Variants in ANO10 observed in about 807,000 individuals in gnomAD.
ANO10 encodes the protein anoctamin 10.
In ANO10, 77 loss-of-function variants were observed where a neutral mutation model predicts 74.7. The ratio of observed to expected loss-of-function variants is 1.03; its 90% CI spans 0.86 to 1.25. ANO10 has a LOEUF of 1.25. ANO10 is among the 50% of genes most tolerant of loss of function. ANO10 has a pLI of 0.00. For missense variants in ANO10, 721 were observed against 778.1 expected, an observed-to-expected ratio of 0.93 and a Z score of 0.87; for synonymous variants, 279 against 284.9, an observed-to-expected ratio of 0.98 and a Z score of 0.21.
chr3:43,670,077 G>A (rs2084039233), intron 1 of ANO10, among the ~76,000 whole-genome samples: 1 of 152,068 alleles, frequency 6.6e-6, no homozygotes, highest in Non-Finnish European at 1.5e-5. Context: ...GATTGGCCAG[G>A]CATGGTGGCT....
intron 1 of ANO10, among the ~76,000 whole-genome samples, chr3:43,613,751 C>T (rs1252084819): frequency 6.6e-6 from 1 of 152,102 alleles, no homozygotes. Flanking sequence ...ATGGAAATAT[C>T]AAATACAATA....
In ANO10 at chr3:43,486,680, T is replaced by C. The variant is rs2076503855; in HGVS notation, c.1798-53953A>G. 3.4e-5 allele frequency among the ~76,000 whole-genome samples: 5 copies of C among 148,222 alleles called. No individual in the cohort carries two copies. The South Asian group carries it at 1.1e-3, about 32-fold the overall frequency. ...TATCCTGAGACTTTGCTGAAGTTGC[T>C]TATCAGCTTAAGGAGATTTTGGGCT... On this transcript the variant is annotated intron_variant, in intron 11 of 12. Coordinates refer to ENST00000292246, the MANE Select transcript of ANO10 (RefSeq NM_018075.5).
chr3:43,511,856 A>G (rs2077519717), intron 11 of ANO10, among the ~76,000 whole-genome samples: 1 of 151,724 alleles, frequency 6.6e-6, no homozygotes. Flanking sequence ...CATTAAAACA[A>G]GAGCACTGGC....
chr3:43,603,456 CT>C (rs1339308089), intron 2 of ANO10, among the ~76,000 whole-genome samples: 1 of 151,748 alleles, frequency 6.6e-6, no homozygotes, highest in Non-Finnish European at 1.5e-5. Flanking sequence ...TTACTGAGTG[CT>C]TTTTTCCTAA....
chr3:43,660,447 C>A (rs962547370), intron 1 of ANO10, among the ~76,000 whole-genome samples: 2 of 151,964 alleles, frequency 1.3e-5, no homozygotes, highest in Non-Finnish European at 2.9e-5. Context: ...CTTCGTGAAG[C>A]ATACACAAGC....
At chr3:43,440,607 T>C (rs976747118) in intron 11 of ANO10, among the ~76,000 whole-genome samples, 16 of 152,258 alleles carry the variant, frequency 1.1e-4, no homozygotes, top group African/African-American at 3.4e-4. Flanking sequence ...ACCGTAATAG[T>C]AGGAGATTTC....
chr3:43,418,004 C>T (rs113223950), intron 12 of ANO10, among the ~76,000 whole-genome samples: 3 of 152,298 alleles, frequency 2.0e-5, no homozygotes, highest in Non-Finnish European at 2.9e-5. Context: ...GAAGGCCGGG[C>T]GCAGTGGCTC....
At chr3:43,535,293 G>A (rs1200382580) in intron 11 of ANO10, among the ~76,000 whole-genome samples, 3 of 136,228 alleles carry the variant, frequency 2.2e-5, no homozygotes, top group Admixed American at 7.5e-5. Context: ...TTTTTTGAAG[G>A]GGGGAAGAGG....
At chr3:43,579,320 C>T (rs969719840) in intron 5 of ANO10, among the ~76,000 whole-genome samples, 23 of 152,142 alleles carry the variant, frequency 1.5e-4, no homozygotes, top group African/African-American at 4.8e-4. Context: ...CTGCTAGTTG[C>T]CCTAAGTGTG....
At chr3:43,596,056 G>A (rs2082068517) in intron 4 of ANO10, among the ~76,000 whole-genome samples, 1 of 152,120 alleles carries the variant, frequency 6.6e-6, no homozygotes, top group Admixed American at 6.5e-5. Flanking sequence ...AACTTACAAG[G>A]GATGTGAAGG....
chr3:43,368,125 C>T (rs904015515), intron 12 of ANO10, among the ~76,000 whole-genome samples: 1 of 152,196 alleles, frequency 6.6e-6, no homozygotes, highest in African/African-American at 2.4e-5. Context: ...GGCCTGTCTC[C>T]CACAGGGCGG....
intron 1 of ANO10, among the ~76,000 whole-genome samples, chr3:43,670,588 A>G (rs1559394625): frequency 6.6e-6 from 1 of 152,160 alleles, no homozygotes; most frequent in African/African-American, 2.4e-5. Context: ...TTATATCCAA[A>G]TGGTCCTAGT....
At chr3:43,385,587 C>T (rs528163858) in intron 12 of ANO10, among the ~76,000 whole-genome samples, 48 of 152,126 alleles carry the variant, frequency 3.2e-4, no homozygotes, top group Non-Finnish European at 2.4e-4. Context: ...TAAAAAGAAA[C>T]GAAATAATGG....
At chr3:43,567,076 G>C (rs1158314406) in intron 7 of ANO10, among the ~76,000 whole-genome samples, 1 of 152,064 alleles carries the variant, frequency 6.6e-6, no homozygotes, top group Non-Finnish European at 1.5e-5. Context: ...TGGAAGAAAG[G>C]GTATCGGCAA....
intron 12 of ANO10, among the ~76,000 whole-genome samples, chr3:43,396,653 T>C (rs1177075575): frequency 6.6e-6 from 1 of 151,924 alleles, no homozygotes; most frequent in Admixed American, 6.6e-5. Flanking sequence ...TGATAAGTTT[T>C]ATTGTTTTTT....
intron 12 of ANO10, among the ~76,000 whole-genome samples, chr3:43,396,626 C>T (rs1161745315): frequency 2.0e-5 from 3 of 152,066 alleles, no homozygotes; most frequent in South Asian, 4.1e-4. Flanking sequence ...TATGAGCCAC[C>T]GCACCCGGCC....
intron 1 of ANO10, among the ~76,000 whole-genome samples, chr3:43,656,728 C>A (rs1056903224): frequency 2.0e-5 from 3 of 152,232 alleles, no homozygotes; most frequent in African/African-American, 7.2e-5. Context: ...GAGTGTGGGG[C>A]CCGCCAAGCC....
intron 11 of ANO10, among the ~76,000 whole-genome samples, chr3:43,437,181 G>A (rs1289107977): frequency 2.6e-5 from 4 of 152,112 alleles, no homozygotes; most frequent in African/African-American, 9.7e-5. Context: ...CCTCCCAAAG[G>A]TCCCCTGAAA....
intron 12 of ANO10, among the ~76,000 whole-genome samples, chr3:43,382,497 C>T (rs1007930474): frequency 4.2e-5 from 6 of 144,318 alleles, no homozygotes; most frequent in Admixed American, 7.0e-5. Context: ...CCAGCCTGGG[C>T]GACAGAGCGA....
Sources: gnomAD v4.1 joint callset for allele counts (sites outside exome capture counted in the v4.1 genomes callset) on GRCh38, gnomAD v4.1.1 for gene constraint, MANE v1.5 for transcripts, NCBI Gene and HGNC (gene_info 2026-07-23, HGNC 2026-07-21) for gene names.